PARK7: variants seen among roughly 807,000 people sequenced by gnomAD.
PARK7 encodes the protein Parkinson disease protein 7.
In PARK7, 14 loss-of-function variants were observed where a neutral mutation model predicts 20.5. That is an observed-to-expected ratio of 0.68 (90% CI 0.45 to 1.07). PARK7 has a LOEUF of 1.07. Ranked by LOEUF, PARK7 falls within the 50% of genes least tolerant of loss-of-function variation. The pLI is 0.00. For synonymous variants in PARK7, 98 were observed against 84.3 expected (o/e 1.16, Z -0.89); for missense variants, 234 against 238.1 (o/e 0.98, Z 0.11).
At chr1:7,977,087 A>G (rs1377301750) in intron 5 of PARK7, among the ~76,000 whole-genome samples, 1 of 152,172 alleles carries the variant, frequency 6.6e-6, no homozygotes, top group African/African-American at 2.4e-5. Flanking sequence ...TTCAGAGAGT[A>G]CCAGTTGCCT....
intron 3 of PARK7, among the ~76,000 whole-genome samples, chr1:7,967,146 C>G (rs1271827364): frequency 6.6e-6 from 1 of 152,182 alleles, no homozygotes; most frequent in African/African-American, 2.4e-5. Context: ...TTAGCTTTCA[C>G]ATATGAGTGA....
In PARK7 at chr1:7,977,708, C is replaced by A; in HGVS notation, c.379C>A (p.Pro127Thr). 2.5e-6 allele frequency: 4 copies of A among 1,614,054 alleles called. No homozygotes were observed. Among genetic ancestry groups the A allele is most frequent in the Non-Finnish European group, 3.4e-6 (4 of 1,179,980 alleles). Reference sequence around the variant, plus strand: ...TTTTGGAAGTAAAGTTACAACACACCCTCTTGCTAAAGACAAAATGATGAA... The same window carrying A: ...TTTTGGAAGTAAAGTTACAACACACACTCTTGCTAAAGACAAAATGATGAA... ...IGFGSKVTTH[P>T]LAKDKMMNGG... Residue 127 changes from proline (P) to threonine (T), a missense_variant, in exon 6 of 7, where the codon CCT becomes ACT. Physicochemically the swap from Pro to Thr is conservative, Grantham distance 38. Transcript: ENST00000338639.
rs190745250 is a variant in PARK7 at position 7,978,354 on chromosome 1, G to A, written c.409+616G>A. Among the ~76,000 whole-genome samples, 9 of 150,152 alleles carry A rather than the reference G, an allele frequency of 6.0e-5. No homozygotes were observed. The East Asian group carries it at 1.6e-3, about 27-fold the overall frequency. ...GCCTCCCAGAGTGCTGGGATTACAG[G>A]TGTTAGCCACCGCGCCTGGCCCATA... On this transcript the variant is annotated intron_variant, in intron 6 of 6. Coordinates refer to ENST00000338639, the MANE Select transcript of PARK7 (RefSeq NM_007262.5).
chr1:7,970,843 G>A, intron 4 of PARK7, 51 bp from the exon 5 acceptor site: 4 of 1,569,456 alleles, frequency 2.5e-6, no homozygotes, highest in Non-Finnish European at 3.5e-6. Flanking sequence ...GTGAGTGATT[G>A]GTTAGTGGCT....
intron 6 of PARK7, among the ~76,000 whole-genome samples, chr1:7,981,716 T>G (rs1363233681): frequency 6.7e-6 from 1 of 149,376 alleles, no homozygotes; most frequent in African/African-American, 2.5e-5. Context: ...TGGAGTACAG[T>G]GGCACGATCT....
intron 5 of PARK7, among the ~76,000 whole-genome samples, chr1:7,973,776 C>T (rs892918782): frequency 1.3e-5 from 2 of 151,756 alleles, no homozygotes; most frequent in African/African-American, 2.4e-5. Flanking sequence ...GGCATGGTGG[C>T]GCATGCCTGT....
chr1:7,965,500 G>T (rs1021264606), intron 3 of PARK7, 75 bp downstream of exon 3: 1 of 1,325,192 alleles, frequency 7.5e-7, no homozygotes, highest in Non-Finnish European at 1.1e-6. Context: ...AGTGTTGTTA[G>T]CACAGACTCA....
chr1:7,977,777 T>G lies in PARK7; in HGVS notation c.409+39T>G, dbSNP rs769874517. 3.2e-6 allele frequency: 5 copies of G among 1,569,046 alleles called. No individual in the cohort carries two copies. The Admixed American group carries it at 8.3e-5, about 26-fold the overall frequency. On this transcript the variant is annotated intron_variant, in intron 6 of 6. Transcript: ENST00000338639. ...TGTTTTTGTTTGTTTGTTTGTTTTT[T>G]GAGATGGAGTCTCGCTCCATCGCCC...
At chr1:7,978,774 G>T (rs1640642426) in intron 6 of PARK7, among the ~76,000 whole-genome samples, 1 of 151,076 alleles carries the variant, frequency 6.6e-6, no homozygotes, top group Non-Finnish European at 1.5e-5. Flanking sequence ...TTAAGCCTGG[G>T]AGGTCAAAGC....
rs1640795464 is a variant in PARK7, at chr1:7,985,197, A to G, written c.*143A>G. 6.4e-6 allele frequency: 7 copies of G among 1,092,654 alleles called. No individual in the cohort carries two copies. The South Asian group carries it at 8.1e-5, about 13-fold the overall frequency. 67.7% of individuals were successfully genotyped at this position (1,092,654 alleles called of 1,614,324 possible). On this transcript the variant is annotated 3_prime_UTR_variant, in exon 7 of 7. Transcript: ENST00000338639. Reference sequence around the variant, plus strand: ...CTTTTGCGGAAGTATGGAAGTCACAACTACACAGAGATTTCTCAGCCTACA... The same window carrying G: ...CTTTTGCGGAAGTATGGAAGTCACAGCTACACAGAGATTTCTCAGCCTACA...
At chr1:7,962,174 A>G (rs891938319) in intron 1 of PARK7, 1 of 152,888 alleles carries the variant, frequency 6.5e-6, no homozygotes, top group Non-Finnish European at 1.5e-5. Context: ...GCGCAGAGAG[A>G]CAGATGTAGT....
intron 1 of PARK7, chr1:7,962,049 A>C (rs1284497389): frequency 6.6e-6 from 1 of 152,324 alleles, no homozygotes; most frequent in Non-Finnish European, 1.5e-5. Flanking sequence ...GGAACTGGCT[A>C]GCCGTTTTAT....
In PARK7 at chr1:7,977,702, A is replaced by ACAC. The variant is rs763978579; in HGVS notation, c.374_376dup (p.Thr125_His126insPro). ...AATAGGTTTTGGAAGTAAAGTTACAACACACCCTCTTGCTAAAGACAAAAT... is the reference window on the plus strand; with the variant it reads ...AATAGGTTTTGGAAGTAAAGTTACAACACCACACCCTCTTGCTAAAGACAAAAT... On this transcript the variant is annotated inframe_insertion, in exon 6 of 7. Transcript: ENST00000338639. 2.5e-6 allele frequency: 4 copies of ACAC among 1,614,162 alleles called. No homozygotes were observed. In the African/African-American group the frequency reaches 5.3e-5, roughly 22 times the overall value.
Position 7,984,498 on chromosome 1 carries a change from CAT to C in PARK7, c.410-395_410-394del, listed in dbSNP as rs1349652730. 6.6e-6 allele frequency among the ~76,000 whole-genome samples: 1 copy of C among 152,206 alleles called. No individual in the cohort carries two copies. The highest frequency in any genetic ancestry group is 1.5e-5 in the Non-Finnish European group (1 of 68,038). Reference sequence around the variant, plus strand: ...GCATCAGAGGGTGTGCGTGCCGCCACATGTTGATTGGGGTGGCTTCTGCGTTC... The same window carrying C: ...GCATCAGAGGGTGTGCGTGCCGCCACGTTGATTGGGGTGGCTTCTGCGTTC... On this transcript the variant is annotated intron_variant, in intron 6 of 6. Coordinates refer to ENST00000338639, the MANE Select transcript of PARK7 (RefSeq NM_007262.5). This position sits in a 1 kb window ranked among gnomAD's most constrained non-coding sequence, Gnocchi z 4.3.
intron 6 of PARK7, among the ~76,000 whole-genome samples, chr1:7,981,937 C>CGTGA (rs1449252762): frequency 5.7e-5 from 8 of 140,068 alleles, no homozygotes. Context: ...GGATTACAGG[C>CGTGA]GTGAGCCACT....
chr1:7,980,799 C>T (rs1640693914), intron 6 of PARK7, among the ~76,000 whole-genome samples: 2 of 152,226 alleles, frequency 1.3e-5, no homozygotes, highest in Admixed American at 1.3e-4. Context: ...TCACTGTGAA[C>T]TTGAAAGATC....
At chr1:7,970,622 G>A (rs938557109) in intron 4 of PARK7, among the ~76,000 whole-genome samples, 9 of 152,096 alleles carry the variant, frequency 5.9e-5, no homozygotes, top group African/African-American at 2.2e-4. Flanking sequence ...CTTTCTCCCT[G>A]GAGTACAAAA....
rs949563705 is a variant in PARK7 at position 7,963,344 on chromosome 1, C to T, written c.90+469C>T. On this transcript the variant is annotated intron_variant, in intron 2 of 6. Transcript: ENST00000338639. Reference sequence around the variant, plus strand: ...CCTCCCAAAGTGTTAGGACTACAGGCGTGAGCCACTGCACTGTCCTTAGAC... The same window carrying T: ...CCTCCCAAAGTGTTAGGACTACAGGTGTGAGCCACTGCACTGTCCTTAGAC... Among the ~76,000 whole-genome samples, 10 of 151,726 alleles carry T rather than the reference C, an allele frequency of 6.6e-5. No individual in the cohort carries two copies. In the South Asian group the frequency reaches 1.9e-3, roughly 29 times the overall value.
At position 7,966,187 on chromosome 1, in the gene PARK7, A is replaced by G. The variant is rs533338119; in HGVS notation, c.192+762A>G. ...GACTGTACCCTCTGACAGCAGGGTC[A>G]TGGCAGGAAAGGAGGCAGAGTCGGC... On this transcript the variant is annotated intron_variant, in intron 3 of 6. Coordinates refer to ENST00000338639, the MANE Select transcript of PARK7 (RefSeq NM_007262.5). Among the ~76,000 whole-genome samples the G allele has an allele frequency of 2.0e-5, 3 of 152,248 alleles. No individual in the cohort carries two copies. In the South Asian group the frequency reaches 6.2e-4, roughly 32 times the overall value.
Sources: gnomAD v4.1 joint callset for allele counts (sites outside exome capture counted in the v4.1 genomes callset) on GRCh38, gnomAD v4.1.1 for gene constraint, Gnocchi (gnomAD v3.1) non-coding constraint, MANE v1.5 for transcripts, NCBI Gene and HGNC (gene_info 2026-07-23, HGNC 2026-07-21) for gene names.